HSP90AA1: variants seen among roughly 807,000 people sequenced by gnomAD.
HSP90AA1 encodes the protein heat shock protein 90 alpha family class A member 1.
Under a neutral mutation model 73.3 loss-of-function variants are expected in HSP90AA1, and 18 were observed. The ratio of observed to expected loss-of-function variants is 0.25; its 90% CI spans 0.17 to 0.36. The LOEUF (loss-of-function observed/expected upper bound fraction) is 0.36. Ranked by LOEUF, HSP90AA1 falls within the 10% of genes least tolerant of loss-of-function variation. HSP90AA1 has a pLI of 1.00. For missense variants in HSP90AA1, 704 were observed against 874.2 expected (o/e 0.81, Z 2.45); for synonymous variants, 477 against 296.9 (o/e 1.61, Z -6.24).
chr14:102,132,365 C>CA (rs1160876361), intron 1 of HSP90AA1, among the ~76,000 whole-genome samples: 1 of 151,100 alleles, frequency 6.6e-6, no homozygotes, highest in Non-Finnish European at 1.5e-5. Context: ...GACTCAGTCT[C>CA]AAAAAAAATA....
At chr14:102,117,778 C>A (rs968052729) in intron 1 of HSP90AA1, among the ~76,000 whole-genome samples, 1 of 152,136 alleles carries the variant, frequency 6.6e-6, no homozygotes, top group African/African-American at 2.4e-5. Flanking sequence ...ACGTTGCGGG[C>A]GAAGAGAAGG....
chr14:102,086,763 T>G (rs1256923907), intron 1 of HSP90AA1, among the ~76,000 whole-genome samples: 7 of 151,548 alleles, frequency 4.6e-5, no homozygotes, highest in Middle Eastern at 3.4e-3. Context: ...CTGGCGCTGC[T>G]GCAGAGCCTC....
chr14:102,098,385 C>T (rs1056606045), intron 2 of HSP90AA1, among the ~76,000 whole-genome samples: 1 of 151,420 alleles, frequency 6.6e-6, no homozygotes, highest in Non-Finnish European at 1.5e-5. Flanking sequence ...TGGTCTCCAA[C>T]TCCTGACCTT....
chr14:102,087,271 G>T, upstream of HSP90AA1: 1 of 561,636 alleles, frequency 1.8e-6, no homozygotes, highest in Non-Finnish European at 2.3e-6. Flanking sequence ...AATCGCCGCC[G>T]CGCGCCTCTC....
chr14:102,083,701 A>G lies in HSP90AA1; in HGVS notation c.1339-8T>C, dbSNP rs777362411. 3.0e-5 allele frequency: 48 copies of G among 1,612,228 alleles called. No homozygotes were observed. In the African/African-American group the frequency reaches 4.9e-4, roughly 17 times the overall value. On this transcript the variant is annotated splice_region_variant and splice_polypyrimidine_tract_variant and intron_variant, in intron 7 of 10. Transcript: ENST00000216281. ...GTCTTCGTGTATTCCAAGCTGAAACAAAGTATGTTCTTTACAAAGACTTTC... is the reference window on the plus strand; with the variant it reads ...GTCTTCGTGTATTCCAAGCTGAAACGAAGTATGTTCTTTACAAAGACTTTC...
At chr14:102,101,007 T>C (rs2049485918) in intron 2 of HSP90AA1, among the ~76,000 whole-genome samples, 1 of 152,202 alleles carries the variant, frequency 6.6e-6, no homozygotes, top group South Asian at 2.1e-4. Context: ...CTCCCATTCT[T>C]GTTCAATAAA....
At chr14:102,128,168 T>C (rs1850076382) in intron 1 of HSP90AA1, among the ~76,000 whole-genome samples, 1 of 152,034 alleles carries the variant, frequency 6.6e-6, no homozygotes. Context: ...AGGAATTTGT[T>C]ACAAGAACAT....
At chr14:102,094,938 T>A (rs1263896913) in intron 2 of HSP90AA1, among the ~76,000 whole-genome samples, 6 of 151,710 alleles carry the variant, frequency 4.0e-5, no homozygotes, top group African/African-American at 7.3e-5. Flanking sequence ...TTGGGAGAGG[T>A]CAGGGGAGCG....
chr14:102,097,827 G>A (rs2049444510), intron 2 of HSP90AA1, among the ~76,000 whole-genome samples: 1 of 152,176 alleles, frequency 6.6e-6, no homozygotes, highest in South Asian at 2.1e-4. Flanking sequence ...GTCACGAATG[G>A]GTTGTGAGTT....
At chr14:102,098,588 T>C (rs1410399462) in intron 2 of HSP90AA1, among the ~76,000 whole-genome samples, 1 of 150,412 alleles carries the variant, frequency 6.6e-6, no homozygotes, top group African/African-American at 2.5e-5. Context: ...CTCCGCCTCC[T>C]GAGTAGCTGG....
intron 1 of HSP90AA1, among the ~76,000 whole-genome samples, chr14:102,115,998 C>A (rs1242600820): frequency 1.4e-5 from 2 of 147,784 alleles, no homozygotes; most frequent in African/African-American, 5.0e-5. Context: ...GTCGCCCAGG[C>A]TAGAGTGCAG....
chr14:102,128,282 A>G (rs537167860), intron 1 of HSP90AA1, among the ~76,000 whole-genome samples: 1 of 152,272 alleles, frequency 6.6e-6, no homozygotes, highest in Non-Finnish European at 1.5e-5. Context: ...ACTTGAGGTC[A>G]GCAATTCAAG....
In HSP90AA1 at chr14:102,083,897, T is replaced by A; in HGVS notation, c.1234A>T (p.Ile412Phe). The change falls in exon 7 of 11, where the codon ATC becomes TTC. Residue 412 changes from isoleucine to phenylalanine, a missense_variant. Transcript: ENST00000216281. ...MLQQSKILKV[I>F]RKNLVKKCLE... Reference sequence around the variant, plus strand: ...CATTTTTTGACCAAATTCTTCCTGATAACTTTCAAAATTTTGCTTTGTTGC... The same window carrying A: ...CATTTTTTGACCAAATTCTTCCTGAAAACTTTCAAAATTTTGCTTTGTTGC... The A allele has an allele frequency of 6.2e-7, 1 of 1,614,096 alleles. No individual in the cohort carries two copies. Among genetic ancestry groups the A allele is most frequent in the Non-Finnish European group, 8.5e-7 (1 of 1,179,942 alleles).
rs550195795 is a variant in HSP90AA1 at position 102,112,172 on chromosome 14, T to C, written c.156-10087A>G. On this transcript the variant is annotated intron_variant, in intron 1 of 11. Coordinates refer to the HSP90AA1 transcript ENST00000334701. Reference sequence around the variant, plus strand: ...AGATTCTCTAGGTGGTCTTCTATTATATGCTCTCTCTCTCTTTTTGAGACG... The same window carrying C: ...AGATTCTCTAGGTGGTCTTCTATTACATGCTCTCTCTCTCTTTTTGAGACG... Among the ~76,000 whole-genome samples the C allele has an allele frequency of 4.1e-4, 63 of 152,350 alleles. No individual in the cohort carries two copies. In the Middle Eastern group the frequency reaches 0.014, roughly 33 times the overall value.
At position 102,086,322 on chromosome 14, in the gene HSP90AA1, C is replaced by A; in HGVS notation, c.57G>T (p.Thr19=). 2 of 1,614,150 alleles carry A rather than the reference C, an allele frequency of 1.2e-6. No homozygotes were observed. Among genetic ancestry groups the A allele is most frequent in the Non-Finnish European group, 1.7e-6 (2 of 1,180,016 alleles). The change falls in exon 2 of 11, where the codon ACG becomes ACT. Residue 19 remains threonine (T), a synonymous_variant. Transcript: ENST00000216281. ...DQPMEEEEVE[T]FAFQAEIAQL... ...GGGCAATTTCTGCCTGAAAGGCGAA[C>A]GTCTCAACCTCCTCCTCCTCCATCG...
intron 4 of HSP90AA1, 80 bp from the exon 5 acceptor site, chr14:102,085,078 A>G: frequency 6.2e-7 from 1 of 1,608,880 alleles, no homozygotes; most frequent in Non-Finnish European, 8.5e-7. Flanking sequence ...TTTCAACCTA[A>G]GGCCCAAGTC....
At chr14:102,129,242 T>G (rs771845198) in intron 1 of HSP90AA1, among the ~76,000 whole-genome samples, 4 of 150,172 alleles carry the variant, frequency 2.7e-5, no homozygotes, top group Non-Finnish European at 4.4e-5. Flanking sequence ...GTTCAAGCAA[T>G]TCTCCTGTCA....
chr14:102,122,675 A>C (rs1044375533), intron 1 of HSP90AA1, among the ~76,000 whole-genome samples: 3 of 147,142 alleles, frequency 2.0e-5, no homozygotes, highest in African/African-American at 7.5e-5. Context: ...TATTTTTTAT[A>C]TATATTTTTT....
At chr14:102,095,855 G>C (rs1223163605) in intron 2 of HSP90AA1, among the ~76,000 whole-genome samples, 3 of 152,082 alleles carry the variant, frequency 2.0e-5, no homozygotes, top group Non-Finnish European at 2.9e-5. Context: ...GCTGGGTCTT[G>C]CTGGGTTTAT....
Sources: allele counts gnomAD v4.1 joint callset (sites outside exome capture counted in the v4.1 genomes callset), GRCh38; gene constraint gnomAD v4.1.1; transcripts MANE v1.5; gene names NCBI Gene and HGNC (gene_info 2026-07-23, HGNC 2026-07-21).